The following GPC6 variants were observed in gnomAD, a reference collection of about 807,000 sequenced individuals.
GPC6 encodes the protein glypican 6, also known as glypican-6.
In GPC6, 14 loss-of-function variants were observed where a neutral mutation model predicts 55.2. That is an observed-to-expected ratio of 0.25 (90% CI 0.17 to 0.40). The LOEUF (loss-of-function observed/expected upper bound fraction) is 0.40. Ranked by LOEUF, GPC6 falls within the 10% of genes least tolerant of loss-of-function variation. The pLI is 1.00. For synonymous variants in GPC6, 278 were observed against 259.6 expected (o/e 1.07, Z -0.68); for missense variants, 641 against 708.5 (o/e 0.90, Z 1.08).
At chr13:93,789,509 C>CTCCATA (rs1363454667) in intron 2 of GPC6, among the ~76,000 whole-genome samples, 1 of 93,482 alleles carries the variant, frequency 1.1e-5, no homozygotes, top group African/African-American at 4.2e-5. Context: ...CTCTCTCTCT[C>CTCCATA]TATATATATA....
intron 4 of GPC6, among the ~76,000 whole-genome samples, chr13:94,180,302 C>T (rs760877506): frequency 6.6e-6 from 1 of 152,130 alleles, no homozygotes; most frequent in East Asian, 1.9e-4. Flanking sequence ...TTAAGACATA[C>T]GTTCTTTGGT....
chr13:93,991,907 A>G (rs1881326094), intron 3 of GPC6, among the ~76,000 whole-genome samples: 1 of 152,116 alleles, frequency 6.6e-6, no homozygotes, highest in Non-Finnish European at 1.5e-5. Flanking sequence ...AAGATTTTAA[A>G]AACATTCTCT....
intron 4 of GPC6, among the ~76,000 whole-genome samples, chr13:94,108,644 C>T (rs1350567766): frequency 6.6e-6 from 1 of 152,004 alleles, no homozygotes; most frequent in African/African-American, 2.4e-5. Context: ...AGTTCAAGAC[C>T]AGCCTGGCCA....
intron 3 of GPC6, among the ~76,000 whole-genome samples, chr13:93,900,945 G>A (rs947786748): frequency 6.6e-6 from 1 of 152,126 alleles, no homozygotes; most frequent in African/African-American, 2.4e-5. Context: ...GTTAGATGAG[G>A]CCCAGCTGTT....
chr13:93,563,856 G>A (rs775614883), intron 2 of GPC6, among the ~76,000 whole-genome samples: 7 of 151,754 alleles, frequency 4.6e-5, no homozygotes, highest in Non-Finnish European at 1.0e-4. Flanking sequence ...AGACTTGCAA[G>A]TTGCCAGAGT....
intron 3 of GPC6, among the ~76,000 whole-genome samples, chr13:93,885,538 TAAGATTGACA>T (rs1443385588): frequency 6.6e-6 from 1 of 151,868 alleles, no homozygotes; most frequent in Non-Finnish European, 1.5e-5. Flanking sequence ...AAACCACTGG[TAAGATTGACA>T]TAATAATACA....
intron 1 of GPC6, among the ~76,000 whole-genome samples, chr13:93,278,301 T>G (rs188045269): frequency 7.0e-4 from 107 of 152,314 alleles, no homozygotes; most frequent in Admixed American, 1.8e-3. Context: ...ACATTAAATT[T>G]GCCATCTTAA....
At chr13:93,945,970 C>G (rs1356220028) in intron 3 of GPC6, among the ~76,000 whole-genome samples, 3 of 152,148 alleles carry the variant, frequency 2.0e-5, no homozygotes, top group Admixed American at 6.5e-5. Flanking sequence ...TTCTTTTCTA[C>G]TCACAATATA....
chr13:93,878,237 A>G (rs951690269), intron 3 of GPC6, among the ~76,000 whole-genome samples: 1 of 152,032 alleles, frequency 6.6e-6, no homozygotes, highest in Non-Finnish European at 1.5e-5. Context: ...CAATAGTACT[A>G]AAAGGTGGGG....
chr13:93,637,666 T>G (rs1022792054), intron 2 of GPC6, among the ~76,000 whole-genome samples: 6 of 152,154 alleles, frequency 3.9e-5, no homozygotes, highest in African/African-American at 1.4e-4. Flanking sequence ...GGGAATCTTA[T>G]GTACAGTCAT....
At chr13:93,587,156 C>G (rs1036144137) in intron 2 of GPC6, among the ~76,000 whole-genome samples, 1 of 151,862 alleles carries the variant, frequency 6.6e-6, no homozygotes, top group Non-Finnish European at 1.5e-5. Flanking sequence ...TCTGGGCCTT[C>G]GTTTTTTGTC....
chr13:94,070,221 A>G (rs759191710), intron 4 of GPC6, among the ~76,000 whole-genome samples: 1 of 151,862 alleles, frequency 6.6e-6, no homozygotes, highest in Non-Finnish European at 1.5e-5. Flanking sequence ...TTTTGAAACC[A>G]TCAAGTCTTG....
At chr13:93,485,784 G>GAA (rs1358204613) in intron 1 of GPC6, among the ~76,000 whole-genome samples, 1 of 152,098 alleles carries the variant, frequency 6.6e-6, no homozygotes, top group Non-Finnish European at 1.5e-5. Flanking sequence ...TGTAGCTGTT[G>GAA]TACCTGTCAG....
chr13:93,251,906 T>C (rs2139029338), intron 1 of GPC6, among the ~76,000 whole-genome samples: 1 of 152,342 alleles, frequency 6.6e-6, no homozygotes, highest in South Asian at 2.1e-4. Context: ...TTACTTTCTT[T>C]TTTTGGTCTT....
chr13:93,320,784 T>A (rs1483774371), intron 1 of GPC6, among the ~76,000 whole-genome samples: 1 of 152,152 alleles, frequency 6.6e-6, no homozygotes, highest in Non-Finnish European at 1.5e-5. Context: ...TGTAACTTTC[T>A]TTTCTGTTCA....
chr13:93,760,304 A>G (rs1197535979), intron 2 of GPC6, among the ~76,000 whole-genome samples: 1 of 152,194 alleles, frequency 6.6e-6, no homozygotes, highest in Non-Finnish European at 1.5e-5. Context: ...TCAGGATTGG[A>G]GAATACCCAA....
At chr13:94,358,283 C>T (rs61034102) in intron 6 of GPC6, among the ~76,000 whole-genome samples, 1,671 of 138,882 alleles carry the variant, frequency 0.012, 30 homozygotes, top group African/African-American at 0.043. Context: ...AGCAAGACTC[C>T]GTCAAAAAAA....
At chr13:93,895,222 A>ATG (rs369480808) in intron 3 of GPC6, among the ~76,000 whole-genome samples, 9,869 of 53,166 alleles carry the variant, frequency 0.19, 1,577 homozygotes, top group Admixed American at 0.3. Context: ...GTGTGTATGT[A>ATG]TGTGTGTGTG....
chr13:94,374,970 A>G (rs1348456317), intron 6 of GPC6, among the ~76,000 whole-genome samples: 2 of 146,236 alleles, frequency 1.4e-5, no homozygotes, highest in African/African-American at 5.2e-5. Context: ...TACTGGGTAC[A>G]TAACGAAATG....
Sources: gnomAD v4.1 joint callset for allele counts (sites outside exome capture counted in the v4.1 genomes callset) on GRCh38, gnomAD v4.1.1 for gene constraint, MANE v1.5 for transcripts, NCBI Gene and HGNC (gene_info 2026-07-23, HGNC 2026-07-21) for gene names.